The following NNMT variants were observed in gnomAD, a reference collection of about 807,000 sequenced individuals.
NNMT encodes nicotinamide N-methyltransferase.
Under a neutral mutation model 11.7 loss-of-function variants are expected in NNMT, and 10 were observed. The ratio of observed to expected loss-of-function variants is 0.85; its 90% confidence interval spans 0.53 to 1.45. The LOEUF is 1.45. Among genes scored for constraint, NNMT ranks in the 40% most tolerant of loss-of-function variants. NNMT has a pLI of 0.00. For synonymous variants in NNMT, 143 were observed against 133.8 expected, an observed-to-expected ratio of 1.07 and a Z score of -0.48; for missense variants, 381 against 319.4, an observed-to-expected ratio of 1.19 and a Z score of -1.47.
chr11:114,266,982 C>T (rs1945125457), intron 2 of NNMT, among the ~76,000 whole-genome samples: 1 of 152,160 alleles, frequency 6.6e-6, no homozygotes, highest in Non-Finnish European at 1.5e-5. Flanking sequence ...AGTTTGTTTT[C>T]AGCTGGGCAC....
chr11:114,299,272 T>C (rs1369913334), intron 2 of NNMT, among the ~76,000 whole-genome samples: 1 of 152,256 alleles, frequency 6.6e-6, no homozygotes, highest in South Asian at 2.1e-4. Context: ...TTCATAGATA[T>C]TATTTATCAG....
intron 2 of NNMT, among the ~76,000 whole-genome samples, chr11:114,268,768 C>CAAAAAAAAA (rs34012236): frequency 1.7e-4 from 12 of 69,614 alleles, no homozygotes; most frequent in African/African-American, 5.1e-4. Context: ...GACTCCGTCT[C>CAAAAAAAAA]AAAAAAAAAA....
In NNMT at chr11:114,285,098, G is replaced by A. The variant is rs541434562; in HGVS notation, c.-129-11330G>A. On this transcript the variant is annotated intron_variant, in intron 2 of 4. Coordinates refer to the NNMT transcript ENST00000535401. ...TCCCATCACGCTTCTTCTTCCTTTA[G>A]CCAAGAAGCTTGCCACCTTACACCC... Among the ~76,000 whole-genome samples the A allele has an allele frequency of 1.8e-4, 28 of 152,072 alleles. 1 individual carries two copies. Among genetic ancestry groups the A allele is most frequent in the Admixed American group, 1.1e-3 (17 of 15,262 alleles).
intron 2 of NNMT, among the ~76,000 whole-genome samples, chr11:114,264,954 T>C (rs1173250102): frequency 6.6e-6 from 1 of 152,206 alleles, no homozygotes; most frequent in African/African-American, 2.4e-5. Context: ...CTGAACCCTG[T>C]CCTTTTGGGT....
intron 2 of NNMT, among the ~76,000 whole-genome samples, chr11:114,273,448 A>T (rs1392752801): frequency 1.3e-5 from 2 of 152,206 alleles, no homozygotes; most frequent in Admixed American, 6.5e-5. Flanking sequence ...AGAGGTCAAG[A>T]TAGGAATAAG....
intron 2 of NNMT, among the ~76,000 whole-genome samples, chr11:114,307,090 A>G (rs1296692706): frequency 1.3e-5 from 2 of 152,178 alleles, no homozygotes; most frequent in Non-Finnish European, 2.9e-5. Flanking sequence ...GCCTTTTACA[A>G]GGATGCCTCT....
rs1185740137 is a variant in NNMT, at chr11:114,258,067, GC to G, written c.-217+194del. Among the ~76,000 whole-genome samples, 6 of 152,238 alleles carry G rather than the reference GC, an allele frequency of 3.9e-5. No individual in the cohort carries two copies. In the East Asian group the frequency reaches 9.7e-4, roughly 25 times the overall value. ...GCCTGGGGCAGGCGGCCCCACTGCCGCCCCCTGCCAGCCCCGGCTGCCACTG... is the reference window on the plus strand; with the variant it reads ...GCCTGGGGCAGGCGGCCCCACTGCCGCCCCTGCCAGCCCCGGCTGCCACTG... On this transcript the variant is annotated intron_variant, in intron 1 of 4. Transcript: ENST00000535401.
At chr11:114,288,861 C>A (rs1378840183) in intron 2 of NNMT, among the ~76,000 whole-genome samples, 1 of 152,168 alleles carries the variant, frequency 6.6e-6, no homozygotes, top group East Asian at 1.9e-4. Flanking sequence ...TTTTTATACT[C>A]ATGCTCATGG....
rs958426294 is a variant in NNMT at position 114,268,748 on chromosome 11, G to A, written c.-130+5814G>A. On this transcript the variant is annotated intron_variant, in intron 2 of 4. Coordinates refer to the NNMT transcript ENST00000535401. ...CGCACCACTGCACTCCAGCCTGGAC[G>A]ATGGAGCGAGACTCCGTCTCAAAAA... Among the ~76,000 whole-genome samples, 15 of 130,206 alleles carry A rather than the reference G, an allele frequency of 1.2e-4. No individual in the cohort carries two copies. The East Asian group carries it at 2.9e-3, about 25-fold the overall frequency. The allele number at this position is 130,206 out of a possible 152,430, so 85.4% of individuals were successfully genotyped here.
At position 114,296,407 on chromosome 11, in the gene NNMT, A is replaced by C; in HGVS notation, c.-150A>C. ...TGGTCTATTTCTCTGTTAGTGTTTA[A>C]CCAACCATCTGTTCTAAAAGAAGGG... is the stretch of plus-strand genomic sequence containing the variant. On this transcript the variant is annotated 5_prime_UTR_variant, in exon 1 of 3. Coordinates refer to ENST00000299964, the MANE Select transcript of NNMT (RefSeq NM_006169.3). The C allele has an allele frequency of 1.4e-6, 1 of 708,768 alleles. No homozygotes were observed. Among genetic ancestry groups the C allele is most frequent in the East Asian group, 2.7e-5 (1 of 37,140 alleles). The allele number at this position is 708,768 out of a possible 1,614,324, so 43.9% of individuals were successfully genotyped here.
At chr11:114,281,152 T>G (rs1945259785) in intron 2 of NNMT, among the ~76,000 whole-genome samples, 1 of 152,104 alleles carries the variant, frequency 6.6e-6, no homozygotes, top group Non-Finnish European at 1.5e-5. Flanking sequence ...TCTTCCAGCC[T>G]CTCTCTGCTG....
At chr11:114,271,532 G>T (rs1945170356) in intron 2 of NNMT, among the ~76,000 whole-genome samples, 1 of 152,152 alleles carries the variant, frequency 6.6e-6, no homozygotes, top group African/African-American at 2.4e-5. Flanking sequence ...TCCAGCTCAG[G>T]TCTCTCTGTG....
At chr11:114,293,608 A>C (rs916001010), upstream of NNMT, among the ~76,000 whole-genome samples, 2 of 150,656 alleles carry the variant, frequency 1.3e-5, no homozygotes, top group African/African-American at 4.9e-5. Context: ...ACCTCAGTTA[A>C]AATGGCTTTT....
upstream of NNMT, among the ~76,000 whole-genome samples, chr11:114,291,798 C>T (rs1591833809): frequency 6.6e-6 from 1 of 152,122 alleles, no homozygotes; most frequent in East Asian, 1.9e-4. Context: ...TGTTACACTC[C>T]AGAGTCCACC....
chr11:114,269,300 C>T (rs1030434775), intron 2 of NNMT, among the ~76,000 whole-genome samples: 10 of 152,190 alleles, frequency 6.6e-5, no homozygotes, highest in African/African-American at 1.9e-4. Context: ...AAGTCTCAAC[C>T]TTACCTTAAT....
intron 2 of NNMT, among the ~76,000 whole-genome samples, chr11:114,303,502 A>G (rs1014578999): frequency 6.6e-6 from 1 of 152,172 alleles, no homozygotes. Flanking sequence ...TGCTCATTTT[A>G]TACAATTTTT....
At chr11:114,257,935 T>C (rs1945043715) in intron 1 of NNMT, 1 of 152,574 alleles carries the variant, frequency 6.6e-6, no homozygotes, top group Non-Finnish European at 1.5e-5. Context: ...CTCTGCCAGC[T>C]TTACATGCTC....
Position 114,312,360 on chromosome 11 carries a change from A to G in NNMT, c.678A>G (p.Lys226=). 6.2e-7 allele frequency: 1 copy of G among 1,614,266 alleles called. No homozygotes were observed. Among genetic ancestry groups the G allele is most frequent in the Non-Finnish European group, 8.5e-7 (1 of 1,180,044 alleles). ...GGGAGGCAGTAGAGGCTGCTGTGAA[A>G]GAGGCTGGCTACACAATCGAATGGT... ...LGREAVEAAV[K]EAGYTIEWFE... is the part of the protein sequence containing the mutation. Residue 226 remains lysine, a synonymous_variant, in exon 3 of 3, where the codon AAA becomes AAG. Transcript: ENST00000299964.
At chr11:114,288,334 G>A (rs552927066) in intron 2 of NNMT, among the ~76,000 whole-genome samples, 22 of 152,120 alleles carry the variant, frequency 1.4e-4, no homozygotes, top group Admixed American at 1.1e-3. Context: ...AGTGATGTTT[G>A]TTGAGGTTTT....
Sources: allele counts gnomAD v4.1 joint callset (sites outside exome capture counted in the v4.1 genomes callset), GRCh38; gene constraint gnomAD v4.1.1; transcripts MANE v1.5; gene names NCBI Gene and HGNC (gene_info 2026-07-23, HGNC 2026-07-21).